ROR2: variants seen among roughly 807,000 people sequenced by gnomAD.
The protein encoded by ROR2 is tyrosine-protein kinase transmembrane receptor ROR2.
ROR2 carries 33 observed loss-of-function variants against 74.9 expected under a neutral mutation model. That is an observed-to-expected ratio of 0.44 (90% CI 0.33 to 0.59). ROR2 has a LOEUF of 0.59. ROR2 is among the 20% of genes least tolerant of loss of function. ROR2 has a pLI of 0.02. For missense variants in ROR2, 1,216 were observed against 1,313.8 expected (o/e 0.93, Z 1.15); for synonymous variants, 586 against 558.7 (o/e 1.05, Z -0.69).
chr9:91,794,190 T>C (rs528204368), intron 1 of ROR2, among the ~76,000 whole-genome samples: 1 of 152,336 alleles, frequency 6.6e-6, no homozygotes, highest in Admixed American at 6.5e-5. Context: ...TAACAGTGGA[T>C]ATAATAAAAA....
At chr9:91,876,369 CA>C (rs34524843) in intron 1 of ROR2, among the ~76,000 whole-genome samples, 15 of 146,436 alleles carry the variant, frequency 1.0e-4, no homozygotes, top group South Asian at 2.2e-4. Flanking sequence ...ACTCTGTCTC[CA>C]AAAAAAAAAA....
At chr9:91,759,763 G>A (rs1400572971) in intron 2 of ROR2, among the ~76,000 whole-genome samples, 3 of 152,152 alleles carry the variant, frequency 2.0e-5, no homozygotes, top group Non-Finnish European at 4.4e-5. Flanking sequence ...CTGAGGCAGT[G>A]GCATATAAAG....
chr9:91,903,483 T>C (rs1830724161), intron 1 of ROR2, among the ~76,000 whole-genome samples: 2 of 152,130 alleles, frequency 1.3e-5, no homozygotes, highest in Admixed American at 6.5e-5. Flanking sequence ...TCTTTTTTTT[T>C]TCTCCTCAAG....
Position 91,733,746 on chromosome 9 carries a change from T to G in ROR2, c.623-310A>C, listed in dbSNP as rs1824914785. Among the ~76,000 whole-genome samples the G allele has an allele frequency of 6.6e-6, 1 of 152,164 alleles. No homozygotes were observed. The highest frequency in any genetic ancestry group is 1.5e-5 in the Non-Finnish European group (1 of 68,038). On this transcript the variant is annotated intron_variant, in intron 5 of 8. Transcript: ENST00000375708. This position sits in a 1 kb window ranked among gnomAD's most constrained non-coding sequence, Gnocchi z 5.7. ...AACTCGGCCCCCTAGCTCACTCCGC[T>G]AGGTGCTTCTTCCAGGACAAGAGGG...
intron 1 of ROR2, among the ~76,000 whole-genome samples, chr9:91,787,708 AG>A (rs1367124000): frequency 8.5e-5 from 13 of 152,192 alleles, no homozygotes; most frequent in Non-Finnish European, 1.5e-5. Flanking sequence ...CAAACTTTGA[AG>A]GGTATGGTGA....
chr9:91,863,351 T>C (rs2119309016), intron 1 of ROR2, among the ~76,000 whole-genome samples: 1 of 152,218 alleles, frequency 6.6e-6, no homozygotes, highest in South Asian at 2.1e-4. Flanking sequence ...CCTATTCCAC[T>C]CATAGGTATA....
chr9:91,901,721 C>G (rs1005327238), intron 1 of ROR2, among the ~76,000 whole-genome samples: 1 of 148,396 alleles, frequency 6.7e-6, no homozygotes. Flanking sequence ...GAAGCTGAGG[C>G]GGGAGAACTG....
At chr9:91,930,112 T>C (rs1378279262) in intron 1 of ROR2, among the ~76,000 whole-genome samples, 1 of 152,142 alleles carries the variant, frequency 6.6e-6, no homozygotes, top group Non-Finnish European at 1.5e-5. Context: ...ACCATATTTT[T>C]TAAAGCTCCC....
At chr9:91,813,786 A>C (rs1827833869) in intron 1 of ROR2, among the ~76,000 whole-genome samples, 2 of 152,122 alleles carry the variant, frequency 1.3e-5, no homozygotes, top group South Asian at 4.1e-4. Context: ...ACTCCATCCT[A>C]AACTCTAAGT....
At chr9:91,891,684 G>C (rs906710316) in intron 1 of ROR2, among the ~76,000 whole-genome samples, 1 of 152,160 alleles carries the variant, frequency 6.6e-6, no homozygotes, top group Non-Finnish European at 1.5e-5. Flanking sequence ...TCCTTGCTGG[G>C]TGTGGGCTGC....
chr9:91,914,627 G>C (rs1345951446), intron 1 of ROR2, among the ~76,000 whole-genome samples: 2 of 152,102 alleles, frequency 1.3e-5, no homozygotes, highest in East Asian at 3.9e-4. Context: ...GCAGGGGAGA[G>C]GCTTTTCCCC....
At chr9:91,903,552 A>T (rs1830726806) in intron 1 of ROR2, among the ~76,000 whole-genome samples, 2 of 152,108 alleles carry the variant, frequency 1.3e-5, no homozygotes, top group Non-Finnish European at 2.9e-5. Flanking sequence ...TTCAAGGCAG[A>T]CACTTCTGGA....
chr9:91,826,478 AGTTACTGG>A, intron 1 of ROR2, among the ~76,000 whole-genome samples: 1 of 152,338 alleles, frequency 6.6e-6, no homozygotes, highest in East Asian at 1.9e-4. Flanking sequence ...ATCAGTGGTT[AGTTACTGG>A]GTTAAATAAA....
At chr9:91,842,356 T>C (rs1414512432) in intron 1 of ROR2, among the ~76,000 whole-genome samples, 1 of 152,208 alleles carries the variant, frequency 6.6e-6, no homozygotes, top group Non-Finnish European at 1.5e-5. Context: ...GTGCCATGCA[T>C]GTGTTATCTC....
At position 91,733,705 on chromosome 9, in the gene ROR2, AAC is replaced by A. The variant is rs1824912099; in HGVS notation, c.623-271_623-270del. Reference sequence around the variant, plus strand: ...CCTCACTTAGAAACATCAGAAGCAGAACAAGAAAGAAGGAAAACTCGGCCCCC... The same window carrying A: ...CCTCACTTAGAAACATCAGAAGCAGAAAGAAAGAAGGAAAACTCGGCCCCC... On this transcript the variant is annotated intron_variant, in intron 5 of 8. Transcript: ENST00000375708. This position sits in a 1 kb window ranked among gnomAD's most constrained non-coding sequence, Gnocchi z 5.7. Among the ~76,000 whole-genome samples the A allele has an allele frequency of 6.6e-6, 1 of 152,054 alleles. No homozygotes were observed. The highest frequency in any genetic ancestry group is 1.5e-5 in the Non-Finnish European group (1 of 68,038).
At chr9:91,783,634 G>A (rs576671886) in intron 1 of ROR2, among the ~76,000 whole-genome samples, 63 of 152,288 alleles carry the variant, frequency 4.1e-4, no homozygotes, top group African/African-American at 1.5e-3. Context: ...GCCTAGTCTT[G>A]TGCCCAAATG....
chr9:91,824,448 G>A (rs1376662146), intron 1 of ROR2, among the ~76,000 whole-genome samples: 2 of 152,202 alleles, frequency 1.3e-5, no homozygotes, highest in African/African-American at 2.4e-5. Flanking sequence ...ATGTGCACAC[G>A]CCGGGGGCAG....
In ROR2 at chr9:91,733,448, G is replaced by A. The variant is rs1276434723; in HGVS notation, c.623-12C>T. On this transcript the variant is annotated splice_polypyrimidine_tract_variant and intron_variant, in intron 5 of 8. Transcript: ENST00000375708. The surrounding 1 kb of genome is among the most constrained non-coding windows in gnomAD (Gnocchi z 5.7). ...CATGGTGAAGGCCGCTGCAGAGCCC[G>A]CGAGACTCGCGTTAGCGGGGGACCC... is the stretch of plus-strand genomic sequence containing the variant. The A allele has an allele frequency of 6.8e-6, 11 of 1,607,390 alleles. No homozygotes were observed. Among genetic ancestry groups the A allele is most frequent in the African/African-American group, 1.3e-5 (1 of 74,908 alleles).
At chr9:91,830,854 GTA>G (rs1262520485) in intron 1 of ROR2, among the ~76,000 whole-genome samples, 12 of 139,188 alleles carry the variant, frequency 8.6e-5, no homozygotes, top group African/African-American at 2.8e-4. Context: ...GTGTGTGTGT[GTA>G]GAGAAACTCA....
Sources: allele counts gnomAD v4.1 joint callset (sites outside exome capture counted in the v4.1 genomes callset), GRCh38; gene constraint gnomAD v4.1.1; non-coding constraint Gnocchi (gnomAD v3.1); transcripts MANE v1.5; gene names NCBI Gene and HGNC (gene_info 2026-07-23, HGNC 2026-07-21).